The following ZDHHC14 variants were observed in gnomAD, a reference collection of about 807,000 sequenced individuals.
ZDHHC14 encodes zDHHC palmitoyltransferase 14.
A neutral mutation model predicts 47.7 loss-of-function variants in ZDHHC14; 16 were observed. The ratio of observed to expected loss-of-function variants is 0.34; its 90% CI spans 0.23 to 0.51. The LOEUF (loss-of-function observed/expected upper bound fraction) is 0.51. Among genes scored for constraint, ZDHHC14 ranks in the 20% least tolerant of loss-of-function variants. ZDHHC14 has a pLI of 0.97. For missense variants in ZDHHC14, 515 were observed against 662.5 expected (o/e 0.78, Z 2.44); for synonymous variants, 293 against 278.9 (o/e 1.05, Z -0.50).
intron 1 of ZDHHC14, among the ~76,000 whole-genome samples, chr6:157,388,513 G>A (rs1401251275): frequency 6.6e-6 from 1 of 152,178 alleles, no homozygotes; most frequent in Non-Finnish European, 1.5e-5. Flanking sequence ...AGGTGAGGTT[G>A]TTAGGAAAGT....
intron 1 of ZDHHC14, among the ~76,000 whole-genome samples, chr6:157,413,010 G>A (rs958128328): frequency 8.5e-5 from 13 of 152,152 alleles, no homozygotes; most frequent in Admixed American, 5.2e-4. Flanking sequence ...AAAGGAGGTC[G>A]GCTCACAGTA....
chr6:157,434,257 C>A (rs1778397436), intron 1 of ZDHHC14, among the ~76,000 whole-genome samples: 1 of 139,258 alleles, frequency 7.2e-6, no homozygotes, highest in East Asian at 2.2e-4. Flanking sequence ...ATGTTGAGTT[C>A]AGGGTCACTG....
At chr6:157,656,476 A>G (rs1778094862) in intron 8 of ZDHHC14, among the ~76,000 whole-genome samples, 1 of 152,010 alleles carries the variant, frequency 6.6e-6, no homozygotes, top group African/African-American at 2.4e-5. Context: ...ATGGGATTAC[A>G]GGCGCCCGCC....
chr6:157,520,431 G>A lies in ZDHHC14; in HGVS notation c.246-22154G>A, dbSNP rs542647269. 2.0e-5 allele frequency among the ~76,000 whole-genome samples: 3 copies of A among 152,268 alleles called. No homozygotes were observed. The East Asian group carries it at 5.8e-4, about 29-fold the overall frequency. ...TTAAAATTCACATAATTTGAGACTG[G>A]TGTTTCCAAAACGTAAGTTTATAGG... On this transcript the variant is annotated intron_variant, in intron 1 of 8. Coordinates refer to ENST00000359775, the MANE Select transcript of ZDHHC14 (RefSeq NM_024630.3).
intron 1 of ZDHHC14, among the ~76,000 whole-genome samples, chr6:157,532,711 T>C (rs935841644): frequency 1.3e-5 from 2 of 152,224 alleles, no homozygotes; most frequent in Non-Finnish European, 2.9e-5. Context: ...GGTTTTGCCT[T>C]CTCAAATGTA....
intron 1 of ZDHHC14, among the ~76,000 whole-genome samples, chr6:157,416,815 T>C (rs978898980): frequency 6.6e-6 from 1 of 150,430 alleles, no homozygotes; most frequent in African/African-American, 2.4e-5. Context: ...AAATTTTTTT[T>C]TTTTTTTTGA....
Position 157,628,618 on chromosome 6 carries a change from C to T in ZDHHC14, c.703+132C>T, listed in dbSNP as rs1785533674. On this transcript the variant is annotated intron_variant, in intron 4 of 8. Coordinates refer to ENST00000359775, the MANE Select transcript of ZDHHC14 (RefSeq NM_024630.3). ...CCTTTCTTTCTCCCTTTCCCCTCCT[C>T]ACTTCCAGCCTGCCTCGCTTTTGTT... The T allele has an allele frequency of 5.0e-6, 6 of 1,207,026 alleles. No homozygotes were observed. In the South Asian group the frequency reaches 8.9e-5, roughly 18 times the overall value. The allele number at this position is 1,207,026 out of a possible 1,614,324, so 74.8% of individuals were successfully genotyped here.
intron 2 of ZDHHC14, among the ~76,000 whole-genome samples, chr6:157,574,692 T>C (rs1419414766): frequency 6.6e-6 from 1 of 152,228 alleles, no homozygotes; most frequent in African/African-American, 2.4e-5. Context: ...GGTTTCCCCA[T>C]TTTAAAGTTT....
intron 1 of ZDHHC14, among the ~76,000 whole-genome samples, chr6:157,503,661 A>G (rs1313894937): frequency 2.6e-5 from 4 of 152,214 alleles, no homozygotes; most frequent in African/African-American, 4.8e-5. Context: ...AGTATGACGA[A>G]ATGAATTGCC....
chr6:157,645,588 G>A lies in ZDHHC14; in HGVS notation c.753-149G>A, dbSNP rs918525107. On this transcript the variant is annotated intron_variant, in intron 5 of 8. Coordinates refer to ENST00000359775, the MANE Select transcript of ZDHHC14 (RefSeq NM_024630.3). ...TCCATCTGGTTAGACGAAATTCCCG[G>A]AAGAGCAGGAAGCAAGGCAAGGCCG... is the stretch of plus-strand genomic sequence containing the variant. 2.9e-5 allele frequency: 18 copies of A among 614,250 alleles called. No individual in the cohort carries two copies. In the Admixed American group the frequency reaches 5.3e-4, roughly 18 times the overall value. 38.0% of individuals were successfully genotyped at this position (614,250 alleles called of 1,614,324 possible).
intron 1 of ZDHHC14, among the ~76,000 whole-genome samples, chr6:157,526,776 A>T (rs1238589863): frequency 1.3e-5 from 2 of 152,168 alleles, no homozygotes; most frequent in Non-Finnish European, 2.9e-5. Flanking sequence ...ATGGACTGAC[A>T]CACGTGCGCC....
intron 2 of ZDHHC14, among the ~76,000 whole-genome samples, chr6:157,581,147 C>T (rs1783505439): frequency 6.6e-6 from 1 of 152,202 alleles, no homozygotes; most frequent in South Asian, 2.1e-4. Context: ...TTGCAAAGAA[C>T]TTCTTGATTT....
At chr6:157,518,853 G>C (rs1035232931) in intron 1 of ZDHHC14, among the ~76,000 whole-genome samples, 21 of 152,230 alleles carry the variant, frequency 1.4e-4, no homozygotes, top group Non-Finnish European at 1.6e-4. Flanking sequence ...CTTGTGAGGG[G>C]TGTAGTCTTC....
intron 1 of ZDHHC14, among the ~76,000 whole-genome samples, chr6:157,439,513 A>T (rs552542365): frequency 2.4e-4 from 37 of 152,186 alleles, no homozygotes; most frequent in Non-Finnish European, 4.6e-4. Context: ...GAAACAACAG[A>T]TGCTGGCAAG....
intron 5 of ZDHHC14, among the ~76,000 whole-genome samples, chr6:157,644,430 C>A (rs1439849666): frequency 6.6e-6 from 1 of 152,214 alleles, no homozygotes; most frequent in Non-Finnish European, 1.5e-5. Context: ...GTCTGCCTTC[C>A]TGTGTCTCTC....
At chr6:157,600,207 AC>A (rs1217685141) in intron 3 of ZDHHC14, among the ~76,000 whole-genome samples, 1 of 152,086 alleles carries the variant, frequency 6.6e-6, no homozygotes, top group Non-Finnish European at 1.5e-5. Flanking sequence ...TAAAACCCCC[AC>A]CCTTATTTAT....
chr6:157,648,110 C>G (rs1329262217), intron 7 of ZDHHC14, among the ~76,000 whole-genome samples: 1 of 152,210 alleles, frequency 6.6e-6, no homozygotes, highest in Non-Finnish European at 1.5e-5. Context: ...GGCACGCTGC[C>G]TCCAAGTCAG....
intron 1 of ZDHHC14, among the ~76,000 whole-genome samples, chr6:157,540,997 T>C (rs1052789740): frequency 1.3e-5 from 2 of 151,232 alleles, no homozygotes; most frequent in African/African-American, 4.9e-5. Context: ...TAACATTTTA[T>C]TTGGAAATAA....
chr6:157,553,801 G>C (rs1478298837), intron 2 of ZDHHC14, among the ~76,000 whole-genome samples: 2 of 152,154 alleles, frequency 1.3e-5, no homozygotes, highest in African/African-American at 2.4e-5. Context: ...ACAAACATGA[G>C]TTGATTGATG....
Sources: gnomAD v4.1 joint callset for allele counts (sites outside exome capture counted in the v4.1 genomes callset) on GRCh38, gnomAD v4.1.1 for gene constraint, MANE v1.5 for transcripts, NCBI Gene and HGNC (gene_info 2026-07-23, HGNC 2026-07-21) for gene names.